Variants in TSPAN5 observed in about 807,000 individuals in gnomAD.
TSPAN5 encodes the protein tetraspanin-5.
TSPAN5 carries 10 observed loss-of-function variants against 37.1 expected under a neutral mutation model. The ratio of observed to expected loss-of-function variants is 0.27; its 90% CI spans 0.17 to 0.46. TSPAN5 has a LOEUF of 0.46. Ranked by LOEUF, TSPAN5 falls within the 20% of genes least tolerant of loss-of-function variation. TSPAN5 has a pLI of 1.00. For synonymous variants in TSPAN5, 110 were observed against 118.9 expected (o/e 0.93, Z 0.48); for missense variants, 195 against 326.6 (o/e 0.60, Z 3.11).
chr4:98,524,614 A>G (rs1753922794), intron 1 of TSPAN5, among the ~76,000 whole-genome samples: 1 of 151,974 alleles, frequency 6.6e-6, no homozygotes, highest in South Asian at 2.1e-4. Context: ...ATTTCCTCCA[A>G]ATCTCCTTTA....
At chr4:98,512,128 G>A (rs752919863) in intron 1 of TSPAN5, among the ~76,000 whole-genome samples, 20 of 152,194 alleles carry the variant, frequency 1.3e-4, no homozygotes, top group African/African-American at 4.6e-4. Flanking sequence ...CAGGAGAATC[G>A]CTTGAACCTG....
chr4:98,566,585 A>C (rs963993314), intron 1 of TSPAN5, among the ~76,000 whole-genome samples: 8 of 152,222 alleles, frequency 5.3e-5, no homozygotes, highest in South Asian at 2.1e-4. Context: ...GCAGGGGGCC[A>C]GGGCTGAGTG....
At chr4:98,533,262 T>C (rs948848013) in intron 1 of TSPAN5, among the ~76,000 whole-genome samples, 18 of 152,146 alleles carry the variant, frequency 1.2e-4, no homozygotes, top group African/African-American at 4.1e-4. Flanking sequence ...TCAGAAGGAA[T>C]GGTATCATCT....
At chr4:98,478,296 G>A (rs1253684766) in intron 5 of TSPAN5, among the ~76,000 whole-genome samples, 2 of 152,252 alleles carry the variant, frequency 1.3e-5, no homozygotes, top group African/African-American at 4.8e-5. Context: ...AAGGCTAACA[G>A]ATGATACAGG....
At chr4:98,491,076 T>A (rs1200834076) in intron 2 of TSPAN5, among the ~76,000 whole-genome samples, 1 of 151,614 alleles carries the variant, frequency 6.6e-6, no homozygotes, top group East Asian at 1.9e-4. Context: ...AAAAAAAAAA[T>A]TGTATGTATT....
intron 1 of TSPAN5, among the ~76,000 whole-genome samples, chr4:98,626,876 A>G (rs1756612258): frequency 7.2e-6 from 1 of 139,618 alleles, no homozygotes; most frequent in African/African-American, 2.7e-5. Context: ...TGTAAGCTTC[A>G]TGAGAGCAGG....
intron 1 of TSPAN5, among the ~76,000 whole-genome samples, chr4:98,583,453 C>T (rs748619091): frequency 2.0e-5 from 3 of 152,132 alleles, no homozygotes; most frequent in Non-Finnish European, 2.9e-5. Context: ...GATTGTTCCC[C>T]TCTATGTGTC....
chr4:98,646,331 A>G (rs750546640), intron 1 of TSPAN5, among the ~76,000 whole-genome samples: 1 of 152,174 alleles, frequency 6.6e-6, no homozygotes, highest in Non-Finnish European at 1.5e-5. Flanking sequence ...ATAGAGGAAA[A>G]AAATGACCAA....
chr4:98,535,282 C>T (rs1364449530), intron 1 of TSPAN5, among the ~76,000 whole-genome samples: 2 of 151,916 alleles, frequency 1.3e-5, no homozygotes, highest in Non-Finnish European at 2.9e-5. Flanking sequence ...ATTTCTCCTT[C>T]GCTTATGAAG....
intron 1 of TSPAN5, among the ~76,000 whole-genome samples, chr4:98,523,132 G>C (rs1308335629): frequency 6.6e-6 from 1 of 152,208 alleles, no homozygotes; most frequent in African/African-American, 2.4e-5. Context: ...CACAGCTTCA[G>C]GAGAGAAGGC....
At chr4:98,509,807 G>A (rs971558876) in intron 1 of TSPAN5, 1 of 152,166 alleles carries the variant, frequency 6.6e-6, no homozygotes, top group Non-Finnish European at 1.5e-5. Context: ...TATAGGTGCT[G>A]GGCAAAAGAG....
chr4:98,501,896 G>C (rs1189437305), intron 2 of TSPAN5, among the ~76,000 whole-genome samples: 1 of 152,216 alleles, frequency 6.6e-6, no homozygotes, highest in Non-Finnish European at 1.5e-5. Flanking sequence ...GTGAGGGTCA[G>C]GGTGCAAGAG....
intron 1 of TSPAN5, among the ~76,000 whole-genome samples, chr4:98,653,179 T>C (rs1387777941): frequency 2.0e-5 from 3 of 152,202 alleles, no homozygotes; most frequent in Non-Finnish European, 4.4e-5. Flanking sequence ...ACTTATAAAC[T>C]GCTGATGTAT....
At chr4:98,541,182 G>A (rs1754349057) in intron 1 of TSPAN5, among the ~76,000 whole-genome samples, 1 of 152,086 alleles carries the variant, frequency 6.6e-6, no homozygotes, top group Non-Finnish European at 1.5e-5. Flanking sequence ...AAACCACATC[G>A]CTAGACCCTT....
chr4:98,562,591 G>A (rs1337494702), intron 1 of TSPAN5, among the ~76,000 whole-genome samples: 1 of 152,118 alleles, frequency 6.6e-6, no homozygotes, highest in African/African-American at 2.4e-5. Flanking sequence ...AACCTGGGAG[G>A]TGGAGGTTGC....
chr4:98,481,781 A>G (rs1230734844), intron 4 of TSPAN5, among the ~76,000 whole-genome samples: 2 of 152,240 alleles, frequency 1.3e-5, no homozygotes, highest in African/African-American at 4.8e-5. Flanking sequence ...TTGTTCCTCT[A>G]ACTTAACAGA....
At chr4:98,549,407 A>T (rs1754555084) in intron 1 of TSPAN5, among the ~76,000 whole-genome samples, 1 of 151,796 alleles carries the variant, frequency 6.6e-6, no homozygotes, top group Non-Finnish European at 1.5e-5. Context: ...GGTTTAAGCA[A>T]TTCTCCTGCC....
At chr4:98,554,917 G>C (rs1415743933) in intron 1 of TSPAN5, among the ~76,000 whole-genome samples, 1 of 152,186 alleles carries the variant, frequency 6.6e-6, no homozygotes, top group Non-Finnish European at 1.5e-5. Context: ...TGTTCAAGGT[G>C]GGGGTTGGGG....
At chr4:98,607,827 C>T (rs1756076094) in intron 1 of TSPAN5, among the ~76,000 whole-genome samples, 1 of 151,942 alleles carries the variant, frequency 6.6e-6, no homozygotes, top group African/African-American at 2.4e-5. Flanking sequence ...TCTCCTGCCT[C>T]AGCCTCCTGA....
Sources: allele counts gnomAD v4.1 joint callset (sites outside exome capture counted in the v4.1 genomes callset), GRCh38; gene constraint gnomAD v4.1.1; transcripts MANE v1.5; gene names NCBI Gene and HGNC (gene_info 2026-07-23, HGNC 2026-07-21).